RBFOX1: variants seen among roughly 807,000 people sequenced by gnomAD.
RBFOX1 encodes the protein RNA binding fox-1 homolog 1.
A neutral mutation model predicts 57.7 loss-of-function variants in RBFOX1; 8 were observed. That is an observed-to-expected ratio of 0.14 (90% CI 0.08 to 0.25). The LOEUF (loss-of-function observed/expected upper bound fraction) is 0.25. RBFOX1 is among the 10% of genes least tolerant of loss of function. The pLI is 1.00. For missense variants in RBFOX1, 611 were observed against 548.5 expected (o/e 1.11, Z -1.14); for synonymous variants, 326 against 222.4 (o/e 1.47, Z -4.15).
intron 3 of RBFOX1, among the ~76,000 whole-genome samples, chr16:5,860,592 G>T (rs117721462): frequency 6.6e-6 from 1 of 152,184 alleles, no homozygotes; most frequent in Non-Finnish European, 1.5e-5. Flanking sequence ...ACGCAAAGTT[G>T]CCTGCAGAGA....
At chr16:6,084,023 A>G (rs1444350667) in intron 1 of RBFOX1, among the ~76,000 whole-genome samples, 3 of 152,196 alleles carry the variant, frequency 2.0e-5, no homozygotes, top group East Asian at 3.9e-4. Context: ...TTAGTAGAGT[A>G]TAACGGTTAA....
intron 3 of RBFOX1, among the ~76,000 whole-genome samples, chr16:5,664,178 A>G (rs887333880): frequency 2.0e-5 from 3 of 152,190 alleles, no homozygotes; most frequent in East Asian, 1.9e-4. Context: ...AAATAATCAC[A>G]TCTTTAAGGA....
chr16:7,066,137 A>G (rs960641191), intron 4 of RBFOX1, among the ~76,000 whole-genome samples: 7 of 152,214 alleles, frequency 4.6e-5, no homozygotes, highest in African/African-American at 1.7e-4. Context: ...GGCACAAACA[A>G]ATGCTAAGCA....
chr16:7,034,989 A>G (rs1194138202), intron 3 of RBFOX1, among the ~76,000 whole-genome samples: 1 of 150,432 alleles, frequency 6.6e-6, no homozygotes, highest in African/African-American at 2.5e-5. Context: ...CTGGGCCTAC[A>G]GGTGCCCACC....
At chr16:6,512,345 C>T (rs1170697254) in intron 2 of RBFOX1, among the ~76,000 whole-genome samples, 1 of 137,984 alleles carries the variant, frequency 7.2e-6, no homozygotes, top group Non-Finnish European at 1.6e-5. Flanking sequence ...GAAAAACATA[C>T]ATTATCATTA....
intron 4 of RBFOX1, among the ~76,000 whole-genome samples, chr16:5,929,655 A>C (rs1489979645): frequency 1.3e-5 from 2 of 152,204 alleles, no homozygotes; most frequent in Non-Finnish European, 2.9e-5. Flanking sequence ...ATAGTGTTTA[A>C]GAATGTAGAC....
chr16:6,020,500 G>C (rs2095049712), intron 1 of RBFOX1, among the ~76,000 whole-genome samples: 1 of 152,198 alleles, frequency 6.6e-6, no homozygotes, highest in Non-Finnish European at 1.5e-5. Flanking sequence ...CTTATGTGGA[G>C]AAAGCGCCGC....
chr16:6,979,481 C>G (rs1431865192), intron 3 of RBFOX1, among the ~76,000 whole-genome samples: 1 of 152,126 alleles, frequency 6.6e-6, no homozygotes, highest in Non-Finnish European at 1.5e-5. Flanking sequence ...CCCCCAGTAC[C>G]TTTCTATTGA....
At chr16:6,840,268 C>G (rs1056348564) in intron 3 of RBFOX1, among the ~76,000 whole-genome samples, 1 of 152,148 alleles carries the variant, frequency 6.6e-6, no homozygotes, top group Non-Finnish European at 1.5e-5. Flanking sequence ...ACGGAACACA[C>G]TGAAAGACCT....
At chr16:6,296,475 C>T (rs1439728187) in intron 1 of RBFOX1, among the ~76,000 whole-genome samples, 2 of 150,478 alleles carry the variant, frequency 1.3e-5, no homozygotes, top group Non-Finnish European at 2.9e-5. Flanking sequence ...GGCCGGAGTG[C>T]AATGGCGGGA....
intron 4 of RBFOX1, among the ~76,000 whole-genome samples, chr16:7,500,125 C>A: frequency 6.6e-6 from 1 of 152,132 alleles, no homozygotes; most frequent in Non-Finnish European, 1.5e-5. Context: ...TTCTTAGCTA[C>A]GGAAGAATAA....
chr16:5,530,739 G>A (rs1258736813), intron 2 of RBFOX1, among the ~76,000 whole-genome samples: 2 of 152,008 alleles, frequency 1.3e-5, no homozygotes, highest in Non-Finnish European at 2.9e-5. Flanking sequence ...AACATCCCTT[G>A]AGGGGCAAAA....
In RBFOX1 at chr16:7,225,475, C is replaced by A. The variant is rs1337733895; in HGVS notation, c.27+173377C>A. On this transcript the variant is annotated intron_variant, in intron 4 of 15. Transcript: ENST00000550418. ...ACCTTCCACCATGATTGTGAGGCCT[C>A]CCCAGCCACGTATAACTGTAAGTCC... Among the ~76,000 whole-genome samples, 5 of 152,154 alleles carry A rather than the reference C, an allele frequency of 3.3e-5. No individual in the cohort carries two copies. The South Asian group carries it at 6.2e-4, about 19-fold the overall frequency.
intron 2 of RBFOX1, among the ~76,000 whole-genome samples, chr16:6,620,869 C>T (rs1232015510): frequency 6.6e-6 from 1 of 152,178 alleles, no homozygotes; most frequent in Non-Finnish European, 1.5e-5. Context: ...CTTAAAATCC[C>T]TTGTATTAGT....
At chr16:5,324,427 C>T (rs1225658941) in intron 1 of RBFOX1, among the ~76,000 whole-genome samples, 1 of 152,180 alleles carries the variant, frequency 6.6e-6, no homozygotes. Context: ...CACGACACTG[C>T]ACTCCAGCCT....
At chr16:5,714,479 C>A (rs2051613818) in intron 3 of RBFOX1, among the ~76,000 whole-genome samples, 1 of 152,182 alleles carries the variant, frequency 6.6e-6, no homozygotes, top group Admixed American at 6.5e-5. Flanking sequence ...CAGCATCAGA[C>A]ATGTGAGCGA....
chr16:6,079,043 T>G (rs904969842), intron 1 of RBFOX1, among the ~76,000 whole-genome samples: 1 of 152,200 alleles, frequency 6.6e-6, no homozygotes, highest in Non-Finnish European at 1.5e-5. Flanking sequence ...GTGCAGTGGC[T>G]TACAGTTGTA....
chr16:6,193,080 G>A (rs114273978), intron 1 of RBFOX1, among the ~76,000 whole-genome samples: 1,686 of 151,840 alleles, frequency 0.011, 51 homozygotes, highest in African/African-American at 0.039. Flanking sequence ...CGTACCTCCC[G>A]AAGATTCATC....
rs142084382 is a variant in RBFOX1 at position 5,251,329 on chromosome 16, A to G, written c.219+11224A>G. 4.3e-3 allele frequency among the ~76,000 whole-genome samples: 652 copies of G among 152,394 alleles called. 5 individuals carry two copies. The highest frequency in any genetic ancestry group is 0.015 in the African/African-American group (623 of 41,592). ...CATCCTAGAGCTGCCATGAGGGTTC[A>G]GTGAGATCACTGTTGACAGCACGTT... On this transcript the variant is annotated intron_variant, in intron 1 of 2. Transcript: ENST00000585867.
Sources: allele counts gnomAD v4.1 joint callset (sites outside exome capture counted in the v4.1 genomes callset), GRCh38; gene constraint gnomAD v4.1.1; transcripts MANE v1.5; gene names NCBI Gene and HGNC (gene_info 2026-07-23, HGNC 2026-07-21).